Variants in ATAD2B observed in about 807,000 individuals in gnomAD.
ATAD2B encodes the protein ATPase family AAA domain containing 2B.
In ATAD2B, 40 loss-of-function variants were observed where a neutral mutation model predicts 167.6. The ratio of observed to expected loss-of-function variants is 0.24; its 90% confidence interval spans 0.19 to 0.31. ATAD2B has a LOEUF of 0.31. Among genes scored for constraint, ATAD2B ranks in the 10% least tolerant of loss-of-function variants. ATAD2B has a pLI of 1.00. For missense variants in ATAD2B, 1,242 were observed against 1,757.2 expected (o/e 0.71, Z 5.24); for synonymous variants, 579 against 596.5 (o/e 0.97, Z 0.43).
chr2:23,891,421 G>A (rs1243099655), intron 2 of ATAD2B, among the ~76,000 whole-genome samples: 2 of 152,058 alleles, frequency 1.3e-5, no homozygotes, highest in Non-Finnish European at 2.9e-5. Flanking sequence ...AATTGAGTGG[G>A]TAGCTATTTT....
At chr2:23,763,922 C>A (rs1677076086) in intron 23 of ATAD2B, among the ~76,000 whole-genome samples, 1 of 152,182 alleles carries the variant, frequency 6.6e-6, no homozygotes, top group South Asian at 2.1e-4. Context: ...CCATGTTGTA[C>A]TGTGTAACAG....
chr2:23,825,859 T>C (rs1271700153), intron 15 of ATAD2B, among the ~76,000 whole-genome samples: 1 of 152,226 alleles, frequency 6.6e-6, no homozygotes, highest in Non-Finnish European at 1.5e-5. Context: ...ATAACATTTA[T>C]GTTTGCCACA....
At chr2:23,762,796 A>G (rs1365892684) in intron 23 of ATAD2B, among the ~76,000 whole-genome samples, 1 of 152,196 alleles carries the variant, frequency 6.6e-6, no homozygotes, top group Non-Finnish European at 1.5e-5. Context: ...GTTGTCCTGC[A>G]TTATATTCCT....
intron 1 of ATAD2B, among the ~76,000 whole-genome samples, chr2:23,907,941 G>A (rs539714554): frequency 1.3e-5 from 2 of 152,048 alleles, no homozygotes; most frequent in Non-Finnish European, 2.9e-5. Context: ...GCCATATGTA[G>A]AAAGCTGAAA....
intron 1 of ATAD2B, among the ~76,000 whole-genome samples, chr2:23,913,758 G>C (rs1037155900): frequency 2.8e-4 from 42 of 151,922 alleles, no homozygotes; most frequent in African/African-American, 1.0e-3. Context: ...TAACAAAAAG[G>C]AGAAACTTGT....
At chr2:23,924,306 A>C (rs1220513895) in intron 1 of ATAD2B, among the ~76,000 whole-genome samples, 1 of 152,224 alleles carries the variant, frequency 6.6e-6, no homozygotes, top group Non-Finnish European at 1.5e-5. Context: ...GGTCTGCGAA[A>C]GCAACAACAC....
chr2:23,761,551 G>A (rs1196937479), intron 24 of ATAD2B, among the ~76,000 whole-genome samples: 1 of 152,164 alleles, frequency 6.6e-6, no homozygotes, highest in African/African-American at 2.4e-5. Context: ...ACTTAACCTG[G>A]ATTATCACCT....
intron 13 of ATAD2B, among the ~76,000 whole-genome samples, chr2:23,838,673 TC>T: frequency 6.6e-6 from 1 of 152,138 alleles, no homozygotes; most frequent in East Asian, 1.9e-4. Context: ...TGTAGAGGAA[TC>T]CAGGTTTTTT....
At chr2:23,878,025 A>AAAAAAAAAAAAAAGAAAAAG (rs1697244692) in intron 7 of ATAD2B, among the ~76,000 whole-genome samples, 4 of 106,872 alleles carry the variant, frequency 3.7e-5, no homozygotes, top group East Asian at 3.8e-4. Flanking sequence ...AAAAAAAAAA[A>AAAAAAAAAAAAAAGAAAAAG]AAAAAAAAAA....
intron 13 of ATAD2B, among the ~76,000 whole-genome samples, chr2:23,848,948 C>T (rs1329807909): frequency 3.3e-5 from 5 of 152,090 alleles, no homozygotes; most frequent in Admixed American, 2.6e-4. Context: ...TGTGTACATA[C>T]ATATAGTATA....
chr2:23,894,333 T>C (rs1699918057), intron 2 of ATAD2B, among the ~76,000 whole-genome samples: 1 of 151,766 alleles, frequency 6.6e-6, no homozygotes, highest in Non-Finnish European at 1.5e-5. Context: ...AATACAAAAT[T>C]AGCTGGGCGT....
chr2:23,684,341 TAAA>T, the ATAD2B span: 6 of 993,786 alleles, frequency 6.0e-6, no homozygotes, highest in Non-Finnish European at 7.9e-6. The surrounding 1 kb of genome is among the most constrained non-coding windows in gnomAD (Gnocchi z 4.4). Flanking sequence ...TTTTTTTAAT[TAAA>T]AAAAAAAAAA....
chr2:23,874,554 T>C (rs1298983725), intron 8 of ATAD2B, among the ~76,000 whole-genome samples: 2 of 151,804 alleles, frequency 1.3e-5, no homozygotes, highest in Admixed American at 6.6e-5. Flanking sequence ...AATATAAAAA[T>C]TAGCTGAAAA....
Position 23,810,480 on chromosome 2 carries a change from A to T in ATAD2B, c.2290T>A (p.Ser764Thr), listed in dbSNP as rs1280512189. ...FTMSPYHQPTSYRPRLLLSGE... is the reference protein window; with the variant it reads ...FTMSPYHQPTTYRPRLLLSGE... ...GAGAGCAATAAGCGTGGCCTGTAAG[A>T]GGTTGGCTGATGATATGGTGACCTG... Residue 764 changes from serine to threonine, a missense_variant, in exon 18 of 28, where the codon TCT becomes ACT. Ser to Thr is a moderately conservative substitution (Grantham distance 58). This residue lies in a region of ATAD2B where 145 missense variants were observed against 181.9 expected (regional missense o/e 0.80). Transcript: ENST00000238789. The T allele has an allele frequency of 6.2e-7, 1 of 1,613,726 alleles. No homozygotes were observed. The highest frequency in any genetic ancestry group is 1.7e-5 in the Admixed American group (1 of 59,998).
the ATAD2B span, chr2:23,703,834 A>C: frequency 1.0e-5 from 16 of 1,537,464 alleles, no homozygotes; most frequent in Non-Finnish European, 1.4e-5. Flanking sequence ...AGGCGGGCCC[A>C]AACATGAACC....
intron 22 of ATAD2B, among the ~76,000 whole-genome samples, chr2:23,780,836 G>A (rs1679915683): frequency 6.6e-6 from 1 of 152,002 alleles, no homozygotes; most frequent in Admixed American, 6.5e-5. Flanking sequence ...TCCAGGAGGC[G>A]GAGGTTACAG....
the ATAD2B span, among the ~76,000 whole-genome samples, chr2:23,683,344 C>T: frequency 1.7e-4 from 26 of 152,318 alleles, no homozygotes; most frequent in African/African-American, 5.5e-4. Flanking sequence ...GCCTCTGACG[C>T]GCAGCTGCCA....
intron 13 of ATAD2B, among the ~76,000 whole-genome samples, chr2:23,835,165 C>CA (rs1689723345): frequency 6.6e-6 from 1 of 152,168 alleles, no homozygotes; most frequent in Non-Finnish European, 1.5e-5. Flanking sequence ...CTCTGTTAAA[C>CA]GTAAGAGTTG....
chr2:23,704,084 C>A, the ATAD2B span, among the ~76,000 whole-genome samples: 2 of 152,202 alleles, frequency 1.3e-5, no homozygotes, highest in East Asian at 3.9e-4. Flanking sequence ...TCCAGCTGGC[C>A]CCAGCTCCAG....
Sources: gnomAD v4.1 joint callset for allele counts (sites outside exome capture counted in the v4.1 genomes callset) on GRCh38, gnomAD v4.1.1 for gene constraint, gnomAD v4.1.1 regional missense constraint, Gnocchi (gnomAD v3.1) non-coding constraint, MANE v1.5 for transcripts, NCBI Gene and HGNC (gene_info 2026-07-23, HGNC 2026-07-21) for gene names.